The following RFX7 variants were observed in gnomAD, a reference collection of about 807,000 sequenced individuals.
The protein encoded by RFX7 is DNA-binding protein RFX7.
A neutral mutation model predicts 111.8 loss-of-function variants in RFX7; 26 were observed. That is an observed-to-expected ratio of 0.23 (90% CI 0.17 to 0.32). The LOEUF (loss-of-function observed/expected upper bound fraction) is 0.32. Ranked by LOEUF, RFX7 falls within the 10% of genes least tolerant of loss-of-function variation. RFX7 has a pLI of 1.00. For synonymous variants in RFX7, 624 were observed against 624.4 expected (o/e 1.00, Z 0.01); for missense variants, 1,573 against 1,772.9 (o/e 0.89, Z 2.02).
chr15:56,134,452 G>A (rs976497500), intron 5 of RFX7, among the ~76,000 whole-genome samples: 2 of 152,024 alleles, frequency 1.3e-5, no homozygotes, highest in Non-Finnish European at 2.9e-5. Context: ...GATATTTTGT[G>A]TATAGTACTC....
intron 6 of RFX7, among the ~76,000 whole-genome samples, chr15:56,102,951 G>GT (rs2041777213): frequency 6.6e-6 from 1 of 152,090 alleles, no homozygotes; most frequent in Non-Finnish European, 1.5e-5. Context: ...TCTAAGAGGA[G>GT]AAAGAACTAT....
chr15:56,152,151 G>T (rs751632437), intron 3 of RFX7, among the ~76,000 whole-genome samples: 6 of 152,188 alleles, frequency 3.9e-5, no homozygotes, highest in Non-Finnish European at 8.8e-5. Context: ...AAATGAGATA[G>T]AAAATTAACA....
chr15:56,165,186 C>A (rs1321034084), intron 3 of RFX7, among the ~76,000 whole-genome samples: 1 of 152,194 alleles, frequency 6.6e-6, no homozygotes, highest in East Asian at 1.9e-4. Flanking sequence ...AATGCTTGCT[C>A]GCCTGCTGCT....
chr15:56,178,569 C>T (rs1038600099), intron 3 of RFX7, among the ~76,000 whole-genome samples: 3 of 152,046 alleles, frequency 2.0e-5, no homozygotes, highest in African/African-American at 7.2e-5. Context: ...ATAGAGCCTT[C>T]GTGTGTTCTA....
At chr15:56,170,106 G>A (rs1241434457) in intron 3 of RFX7, among the ~76,000 whole-genome samples, 2 of 151,900 alleles carry the variant, frequency 1.3e-5, no homozygotes, top group African/African-American at 4.8e-5. Flanking sequence ...GTTTATATTC[G>A]TTCATACATT....
At chr15:56,204,236 C>A (rs776564031) in intron 2 of RFX7, among the ~76,000 whole-genome samples, 3 of 151,996 alleles carry the variant, frequency 2.0e-5, no homozygotes, top group Non-Finnish European at 4.4e-5. Flanking sequence ...CTAGGCTGGT[C>A]TCGAACTCCT....
chr15:56,227,190 G>A (rs1385568594), intron 2 of RFX7, among the ~76,000 whole-genome samples: 1 of 152,090 alleles, frequency 6.6e-6, no homozygotes, highest in African/African-American at 2.4e-5. Context: ...CTCAACTTCA[G>A]TGTTACAACA....
chr15:56,121,142 ACT>A (rs367557856), intron 5 of RFX7, among the ~76,000 whole-genome samples: 90 of 152,036 alleles, frequency 5.9e-4, no homozygotes, highest in African/African-American at 2.1e-3. Flanking sequence ...AGACTGAAGA[ACT>A]CTGTTTAGTA....
At position 56,098,132 on chromosome 15, in the gene RFX7, A is replaced by T. The variant is rs755364421; in HGVS notation, c.1056T>A (p.Leu352=). ...TNLPNGNPSI[L]SPQPIGIVVA... ...CAACGATACCAATAGGTTGAGGAGA[A>T]AGGATTGAAGGATTTCCATTAGGAA... The change falls in exon 9 of 10, where the codon CTT becomes CTA. Residue 352 remains leucine, a synonymous_variant. Transcript: ENST00000559447. 5 of 1,613,828 alleles carry T rather than the reference A, an allele frequency of 3.1e-6. No homozygotes were observed. In the Admixed American group the frequency reaches 8.3e-5, roughly 27 times the overall value.
intron 2 of RFX7, among the ~76,000 whole-genome samples, chr15:56,205,720 A>C (rs2043243261): frequency 6.6e-6 from 1 of 152,198 alleles, no homozygotes; most frequent in Admixed American, 6.5e-5. Flanking sequence ...AGAAACATAT[A>C]TTAGTGAAGC....
chr15:56,186,701 T>C, intron 2 of RFX7, among the ~76,000 whole-genome samples: 1 of 150,918 alleles, frequency 6.6e-6, no homozygotes, highest in Middle Eastern at 3.4e-3. Flanking sequence ...AACACACATA[T>C]CTATACATAT....
chr15:56,149,046 G>A (rs1396839017), intron 3 of RFX7, among the ~76,000 whole-genome samples: 2 of 146,072 alleles, frequency 1.4e-5, no homozygotes, highest in East Asian at 2.1e-4. Context: ...TTGCGCCACT[G>A]CACTCCAGCC....
At position 56,093,529 on chromosome 15, in the gene RFX7, A is replaced by G. The variant is rs2041623565; in HGVS notation, c.4199T>C (p.Leu1400Ser). 1 of 1,613,758 alleles carries G rather than the reference A, an allele frequency of 6.2e-7. No individual in the cohort carries two copies. The highest frequency in any genetic ancestry group is 1.7e-5 in the Admixed American group (1 of 59,988). Residue 1400 changes from leucine to serine, a missense_variant, in exon 10 of 10, where the codon TTA (leucine) becomes TCA (serine). Around this residue, in one of 7 missense-constraint regions of RFX7, gnomAD observed 411 missense variants for 478.1 expected, o/e 0.86. Coordinates refer to ENST00000559447, the MANE Select transcript of RFX7 (RefSeq NM_022841.7). ...TGGATCAAACAGTAGATTTGGGTCT[A>G]AAGTGTTCAAATCATTGATGCTGCC... is the stretch of plus-strand genomic sequence containing the variant. ...LSGSINDLNT[L>S]DPNLLFDPGR...
intron 5 of RFX7, among the ~76,000 whole-genome samples, chr15:56,136,213 G>A (rs1293652959): frequency 6.0e-5 from 9 of 149,638 alleles, no homozygotes; most frequent in Non-Finnish European, 1.5e-5. Context: ...GGGCAGTATG[G>A]CCATTTTCAC....
chr15:56,180,773 C>T (rs965326489), intron 2 of RFX7, among the ~76,000 whole-genome samples: 5 of 148,192 alleles, frequency 3.4e-5, no homozygotes, highest in Non-Finnish European at 5.9e-5. Flanking sequence ...AAAAAAAAGC[C>T]GAGCATGGTG....
At chr15:56,102,939 C>A (rs1418368491) in intron 6 of RFX7, among the ~76,000 whole-genome samples, 1 of 152,128 alleles carries the variant, frequency 6.6e-6, no homozygotes, top group Non-Finnish European at 1.5e-5. Flanking sequence ...TTACAATCTT[C>A]TTCTAAGAGG....
chr15:56,242,023 G>A (rs2043695728), intron 2 of RFX7, among the ~76,000 whole-genome samples: 1 of 152,276 alleles, frequency 6.6e-6, no homozygotes, highest in Non-Finnish European at 1.5e-5. Flanking sequence ...TGCAAATACT[G>A]TTCATGCAAC....
chr15:56,159,908 G>A (rs1195549686), intron 3 of RFX7, among the ~76,000 whole-genome samples: 1 of 152,144 alleles, frequency 6.6e-6, no homozygotes, highest in African/African-American at 2.4e-5. Flanking sequence ...GGAGAGATCT[G>A]CTCCTGTTTT....
In RFX7 at chr15:56,096,099, T is replaced by C. The variant is rs777275719; in HGVS notation, c.1629A>G (p.Thr543=). The change falls in exon 10 of 10, where the codon ACA becomes ACG. Residue 543 remains threonine (T), a synonymous_variant. Coordinates refer to ENST00000559447, the MANE Select transcript of RFX7 (RefSeq NM_022841.7). The part of the protein sequence containing the change: ...SAVEVKVEPE[T]SSDEHPVQCQ... ...ACTGTACAGGATGCTCATCTGATGA[T>C]GTTTCGGGTTCCACTTTGACTTCCA... is the stretch of plus-strand genomic sequence containing the variant. The C allele has an allele frequency of 3.3e-5, 54 of 1,613,640 alleles. No homozygotes were observed. Among genetic ancestry groups the C allele is most frequent in the Non-Finnish European group, 4.4e-5 (52 of 1,179,824 alleles).
Sources: gnomAD v4.1 joint callset for allele counts (sites outside exome capture counted in the v4.1 genomes callset) on GRCh38, gnomAD v4.1.1 for gene constraint, gnomAD v4.1.1 regional missense constraint, MANE v1.5 for transcripts, NCBI Gene and HGNC (gene_info 2026-07-23, HGNC 2026-07-21) for gene names.